Variants in DNAJC1 observed in about 807,000 individuals in gnomAD.
DNAJC1 encodes DnaJ heat shock protein family (Hsp40) member C1.
A neutral mutation model predicts 76.6 loss-of-function variants in DNAJC1; 58 were observed. The observed-to-expected ratio is 0.76, with a 90% CI of 0.61 to 0.94. DNAJC1 has a LOEUF of 0.94. DNAJC1 is among the 40% of genes least tolerant of loss of function. The pLI is 0.00. For synonymous variants in DNAJC1, 258 were observed against 267.9 expected, an observed-to-expected ratio of 0.96 and a Z score of 0.36; for missense variants, 689 against 677.3, an observed-to-expected ratio of 1.02 and a Z score of -0.19.
chr10:21,862,567 T>C (rs1835932720), intron 8 of DNAJC1, among the ~76,000 whole-genome samples: 1 of 151,828 alleles, frequency 6.6e-6, no homozygotes. Flanking sequence ...TAGCTGAGAT[T>C]ACAGGTGCAT....
At chr10:21,916,414 G>A (rs1369626719) in intron 6 of DNAJC1, among the ~76,000 whole-genome samples, 4 of 152,078 alleles carry the variant, frequency 2.6e-5, no homozygotes, top group African/African-American at 4.8e-5. Flanking sequence ...GCGTGAACCC[G>A]GGAGGCGGAG....
At position 21,918,478 on chromosome 10, in the gene DNAJC1, A is replaced by G. The variant is rs1337032681; in HGVS notation, c.729+301T>C. ...CTTTTTACTGGTTATGCTTTTAATG[A>G]TAACAGTGGATTAAATTTTTATTGC... is the stretch of plus-strand genomic sequence containing the variant. On this transcript the variant is annotated intron_variant, in intron 6 of 11. Coordinates refer to ENST00000376980, the MANE Select transcript of DNAJC1 (RefSeq NM_022365.4). 2.6e-5 allele frequency among the ~76,000 whole-genome samples: 4 copies of G among 150,968 alleles called. No individual in the cohort carries two copies. In the East Asian group the frequency reaches 7.8e-4, roughly 29 times the overall value.
intron 1 of DNAJC1, among the ~76,000 whole-genome samples, chr10:21,966,577 T>TA (rs1412872408): frequency 6.6e-6 from 1 of 152,138 alleles, no homozygotes; most frequent in Admixed American, 6.5e-5. Context: ...TCCTACAGGT[T>TA]AAAATCCCTT....
chr10:21,770,395 C>CTTTTTTTTTTT (rs34881959), intron 9 of DNAJC1, among the ~76,000 whole-genome samples: 5 of 107,568 alleles, frequency 4.6e-5, no homozygotes, highest in Admixed American at 9.8e-5. Context: ...TTTTTTTCTT[C>CTTTTTTTTTTT]TTTTTTTTTT....
intron 4 of DNAJC1, among the ~76,000 whole-genome samples, chr10:21,920,439 A>C (rs983497255): frequency 1.1e-4 from 17 of 151,984 alleles, no homozygotes; most frequent in African/African-American, 3.9e-4. Flanking sequence ...TTTAAAAGTA[A>C]ACATTCATTA....
chr10:21,851,708 C>T (rs553131595), intron 8 of DNAJC1, among the ~76,000 whole-genome samples: 3 of 152,142 alleles, frequency 2.0e-5, no homozygotes, highest in Admixed American at 6.5e-5. Context: ...ATTTACAATA[C>T]GTAAAAGGTA....
intron 1 of DNAJC1, among the ~76,000 whole-genome samples, chr10:22,000,028 A>C (rs1421700514): frequency 1.3e-5 from 2 of 152,196 alleles, no homozygotes; most frequent in Non-Finnish European, 2.9e-5. Context: ...GATGTTCTCC[A>C]AACCAGGCTC....
At chr10:21,900,792 G>A (rs2131741168) in intron 7 of DNAJC1, among the ~76,000 whole-genome samples, 1 of 152,304 alleles carries the variant, frequency 6.6e-6, no homozygotes, top group East Asian at 1.9e-4. Flanking sequence ...CTCCGCATAA[G>A]TTATCTCAGA....
intron 8 of DNAJC1, among the ~76,000 whole-genome samples, chr10:21,851,090 C>G (rs1835744484): frequency 6.6e-6 from 1 of 152,160 alleles, no homozygotes; most frequent in South Asian, 2.1e-4. Flanking sequence ...AATTCACGCT[C>G]TTGGATTTGA....
At chr10:21,967,675 C>T (rs1176895761) in intron 1 of DNAJC1, among the ~76,000 whole-genome samples, 2 of 152,106 alleles carry the variant, frequency 1.3e-5, no homozygotes, top group Non-Finnish European at 2.9e-5. Flanking sequence ...AAATGATTTC[C>T]TTCTCAAGTA....
At chr10:21,883,390 G>A (rs1836315397) in intron 7 of DNAJC1, among the ~76,000 whole-genome samples, 1 of 151,966 alleles carries the variant, frequency 6.6e-6, no homozygotes, top group Non-Finnish European at 1.5e-5. Context: ...CACCCCATGT[G>A]TACGTGTGTA....
chr10:21,805,994 G>A lies in DNAJC1; in HGVS notation c.1084C>T (p.Arg362Ter), dbSNP rs751551456. Residue 362 changes from arginine to a stop codon, truncating the protein, a stop_gained, in exon 9 of 12, where the codon CGA (arginine) becomes TGA (stop). Transcript: ENST00000376980. LOFTEE classifies it high-confidence loss of function. The stretch of plus-strand genomic sequence containing the variant: ...AGTGAACTCACATCTGTCACAGATC[G>A]ACCCAATTCGTGGGCAATCTTTTCC... ...RWEKIAHELG[R>*]SVTDVTTKAK... 1.4e-5 allele frequency: 23 copies of A among 1,611,336 alleles called. No homozygotes were observed. The highest frequency in any genetic ancestry group is 3.3e-5 in the Admixed American group (2 of 59,922).
At chr10:21,936,416 T>G (rs980042194) in intron 1 of DNAJC1, among the ~76,000 whole-genome samples, 2 of 152,180 alleles carry the variant, frequency 1.3e-5, no homozygotes, top group Non-Finnish European at 2.9e-5. Flanking sequence ...TTAATGCATT[T>G]TGGTTAGTAA....
At chr10:21,890,934 T>A (rs1304067501) in intron 7 of DNAJC1, among the ~76,000 whole-genome samples, 2 of 152,196 alleles carry the variant, frequency 1.3e-5, no homozygotes, top group Non-Finnish European at 2.9e-5. Flanking sequence ...CTCACACCTG[T>A]AATCCCAGCT....
intron 7 of DNAJC1, among the ~76,000 whole-genome samples, chr10:21,890,288 C>T (rs1257725101): frequency 6.6e-6 from 1 of 151,954 alleles, no homozygotes; most frequent in Non-Finnish European, 1.5e-5. Context: ...TGGTGTGTGC[C>T]TGTAATCCCA....
intron 1 of DNAJC1, among the ~76,000 whole-genome samples, chr10:21,978,125 C>T (rs560145443): frequency 6.6e-6 from 1 of 152,118 alleles, no homozygotes; most frequent in East Asian, 1.9e-4. Flanking sequence ...TATCTCATTC[C>T]TCATCATCCA....
intron 1 of DNAJC1, among the ~76,000 whole-genome samples, chr10:21,957,186 G>A (rs1837703206): frequency 2.0e-5 from 3 of 151,960 alleles, no homozygotes; most frequent in Non-Finnish European, 2.9e-5. Context: ...CACTGCGCCT[G>A]ACCAGAATTC....
intron 11 of DNAJC1, among the ~76,000 whole-genome samples, chr10:21,757,048 C>G (rs1180332240): frequency 6.6e-6 from 1 of 152,226 alleles, no homozygotes; most frequent in Non-Finnish European, 1.5e-5. Flanking sequence ...AGCCTGCTAA[C>G]TCTTATTTTC....
intron 8 of DNAJC1, among the ~76,000 whole-genome samples, chr10:21,811,991 T>C (rs1834974290): frequency 6.6e-6 from 1 of 152,202 alleles, no homozygotes; most frequent in African/African-American, 2.4e-5. Flanking sequence ...TGTTTTAATT[T>C]TGACCATTCT....
Sources: allele counts gnomAD v4.1 joint callset (sites outside exome capture counted in the v4.1 genomes callset), GRCh38; gene constraint gnomAD v4.1.1; transcripts MANE v1.5; gene names NCBI Gene and HGNC (gene_info 2026-07-23, HGNC 2026-07-21).